Variants in VGLL3 observed in about 807,000 individuals in gnomAD.
The protein encoded by VGLL3 is vestigial like family member 3, also known as transcription cofactor vestigial-like protein 3.
Under a neutral mutation model 29.2 loss-of-function variants are expected in VGLL3, and 18 were observed. That is an observed-to-expected ratio of 0.62 (90% confidence interval 0.43 to 0.91). VGLL3 has a LOEUF of 0.91. Ranked by LOEUF, VGLL3 falls within the 40% of genes least tolerant of loss-of-function variation. The pLI is 0.00. For missense variants in VGLL3, 440 were observed against 413.2 expected (o/e 1.06, Z -0.56); for synonymous variants, 180 against 151.8 (o/e 1.19, Z -1.36).
chr3:86,979,146 A>G (rs559876573), intron 1 of VGLL3, among the ~76,000 whole-genome samples: 34 of 152,326 alleles, frequency 2.2e-4, no homozygotes, highest in African/African-American at 7.9e-4. Flanking sequence ...TTACTTTTTT[A>G]AAAAGTTTTT....
rs911875193 is a variant in VGLL3 at position 86,963,372 on chromosome 3, T to C, written c.937+5218A>G. 3.3e-5 allele frequency among the ~76,000 whole-genome samples: 5 copies of C among 152,146 alleles called. No individual in the cohort carries two copies. The East Asian group carries it at 9.7e-4, about 29-fold the overall frequency. On this transcript the variant is annotated intron_variant, in intron 3 of 3. Transcript: ENST00000398399. ...TCATATAATTCCATTTGTATGAAAT[T>C]TCCAAAATAAGAAAATCCACAGAAG... is the stretch of plus-strand genomic sequence containing the variant.
rs1393130364 is a variant in VGLL3 at position 86,940,553 on chromosome 3, G to A, written c.*6471C>T. ...CAAAATATTTATAAGATGCTTAATT[G>A]AATAAGGAGGAAACAAAAAGAGCTT... On this transcript the variant is annotated 3_prime_UTR_variant, in exon 4 of 4. Coordinates refer to ENST00000398399, the MANE Select transcript of VGLL3 (RefSeq NM_016206.4). 2 of 152,434 alleles carry A rather than the reference G, an allele frequency of 1.3e-5. No individual in the cohort carries two copies. Among genetic ancestry groups the A allele is most frequent in the African/African-American group, 4.8e-5 (2 of 41,408 alleles). The allele number at this position is 152,434 out of a possible 1,614,324, so 9.4% of individuals were successfully genotyped here.
intron 2 of VGLL3, among the ~76,000 whole-genome samples, chr3:86,970,089 G>C (rs1705062167): frequency 6.6e-6 from 1 of 152,094 alleles, no homozygotes; most frequent in Admixed American, 6.5e-5. Context: ...AGAAGTCATG[G>C]GTTTGAGGAA....
chr3:86,988,977 G>A (rs1159370688), intron 1 of VGLL3, among the ~76,000 whole-genome samples: 1 of 151,964 alleles, frequency 6.6e-6, no homozygotes, highest in African/African-American at 2.4e-5. Flanking sequence ...CCGAGTCTCA[G>A]GGCTATTGCA....
chr3:86,978,500 G>C, intron 2 of VGLL3, 26 bp downstream of exon 2: 2 of 1,609,374 alleles, frequency 1.2e-6, no homozygotes, highest in Non-Finnish European at 1.7e-6. Context: ...CAGTGCCCTG[G>C]AGAACATCTG....
intron 2 of VGLL3, among the ~76,000 whole-genome samples, chr3:86,976,121 A>AC (rs1705205232): frequency 6.6e-6 from 1 of 152,088 alleles, no homozygotes; most frequent in African/African-American, 2.4e-5. Context: ...TCTCAAAAAA[A>AC]AAAAGTTCTA....
At chr3:86,984,771 C>A (rs1705401276) in intron 1 of VGLL3, among the ~76,000 whole-genome samples, 1 of 151,892 alleles carries the variant, frequency 6.6e-6, no homozygotes, top group Non-Finnish European at 1.5e-5. Flanking sequence ...ATAGCCTGTT[C>A]CTAAACTCAA....
intron 3 of VGLL3, among the ~76,000 whole-genome samples, chr3:86,950,893 C>T (rs890208399): frequency 3.9e-5 from 6 of 152,058 alleles, no homozygotes; most frequent in South Asian, 2.1e-4. Context: ...CAGAAATGAA[C>T]GAAGAAACAA....
At chr3:86,950,623 T>C (rs1232256196) in intron 3 of VGLL3, among the ~76,000 whole-genome samples, 3 of 152,208 alleles carry the variant, frequency 2.0e-5, no homozygotes, top group Non-Finnish European at 4.4e-5. Flanking sequence ...AGAACTGATA[T>C]GAAGATTAAC....
Position 86,945,658 on chromosome 3 carries a change from A to T in VGLL3, c.*1366T>A, listed in dbSNP as rs1346047240. The T allele has an allele frequency of 1.3e-5, 2 of 152,144 alleles. No homozygotes were observed. The highest frequency in any genetic ancestry group is 1.9e-4 in the East Asian group (1 of 5,188). 9.4% of individuals were successfully genotyped at this position (152,144 alleles called of 1,614,324 possible). ...GAGCTATATCAAGTTAAATCCTCAA[A>T]TTTTTAATTTTTAGCCCAATTTAAA... On this transcript the variant is annotated 3_prime_UTR_variant, in exon 4 of 4. Coordinates refer to ENST00000398399, the MANE Select transcript of VGLL3 (RefSeq NM_016206.4).
chr3:86,980,610 C>T (rs1375512279), intron 1 of VGLL3, among the ~76,000 whole-genome samples: 1 of 151,822 alleles, frequency 6.6e-6, no homozygotes, highest in Non-Finnish European at 1.5e-5. Context: ...GTATAAACAC[C>T]ATAGAAACAT....
At chr3:86,960,932 GATATATAT>G (rs57744873) in intron 3 of VGLL3, among the ~76,000 whole-genome samples, 10,647 of 137,696 alleles carry the variant, frequency 0.077, 425 homozygotes, top group Non-Finnish European at 0.093. Flanking sequence ...AAGTAATTGT[GATATATAT>G]ATATATATAT....
In VGLL3 at chr3:86,942,298, GC is replaced by G. The variant is rs1376760287; in HGVS notation, c.*4725del. 1.3e-5 allele frequency: 2 copies of G among 152,110 alleles called. No individual in the cohort carries two copies. The highest frequency in any genetic ancestry group is 2.9e-5 in the Non-Finnish European group (2 of 68,028). 9.4% of individuals were successfully genotyped at this position (152,110 alleles called of 1,614,324 possible). On this transcript the variant is annotated 3_prime_UTR_variant, in exon 4 of 4. Coordinates refer to ENST00000398399, the MANE Select transcript of VGLL3 (RefSeq NM_016206.4). ...AGGTGATCAATCAGGAATCCAAACT[GC>G]CATCAATACCCCTTTGTAACTGCAA...
rs537184415 is a variant in VGLL3, at chr3:86,948,398, A to T, written c.938-1331T>A. On this transcript the variant is annotated intron_variant, in intron 3 of 3. Coordinates refer to ENST00000398399, the MANE Select transcript of VGLL3 (RefSeq NM_016206.4). ...AAACAACATTTCTTATCCCTCAACT[A>T]GTCACAGAATTTTGTAAAATATGGA... 9.8e-5 allele frequency among the ~76,000 whole-genome samples: 15 copies of T among 152,294 alleles called. No homozygotes were observed. The South Asian group carries it at 2.5e-3, about 25-fold the overall frequency.
At chr3:86,982,276 C>CCCATCG (rs1705341053) in intron 1 of VGLL3, among the ~76,000 whole-genome samples, 1 of 152,096 alleles carries the variant, frequency 6.6e-6, no homozygotes, top group African/African-American at 2.4e-5. Flanking sequence ...TCCCTAGAAG[C>CCCATCG]TGGGATTACA....
chr3:86,951,001 A>G (rs959187690), intron 3 of VGLL3, among the ~76,000 whole-genome samples: 4 of 152,172 alleles, frequency 2.6e-5, no homozygotes, highest in Admixed American at 1.3e-4. Context: ...CCTTACTTCA[A>G]TGCCAACACC....
At chr3:86,964,964 C>T (rs1704927671) in intron 3 of VGLL3, among the ~76,000 whole-genome samples, 1 of 152,034 alleles carries the variant, frequency 6.6e-6, no homozygotes. Flanking sequence ...TCGAGACCAG[C>T]CTGGCCAACA....
At chr3:86,949,826 C>CAAAAAAA (rs568854625) in intron 3 of VGLL3, among the ~76,000 whole-genome samples, 1 of 59,520 alleles carries the variant, frequency 1.7e-5, no homozygotes, top group African/African-American at 6.4e-5. Context: ...GACTCCATCT[C>CAAAAAAA]AAAAAAAAAA....
At chr3:86,958,922 G>A (rs773169072) in intron 3 of VGLL3, among the ~76,000 whole-genome samples, 7 of 152,080 alleles carry the variant, frequency 4.6e-5, no homozygotes, top group Admixed American at 6.5e-5. Flanking sequence ...ATATGCCAGA[G>A]AAAAAGAAAA....
Sources: gnomAD v4.1 joint callset for allele counts (sites outside exome capture counted in the v4.1 genomes callset) on GRCh38, gnomAD v4.1.1 for gene constraint, MANE v1.5 for transcripts, NCBI Gene and HGNC (gene_info 2026-07-23, HGNC 2026-07-21) for gene names.